Variants in CARMIL1 observed in about 807,000 individuals in gnomAD.
CARMIL1 encodes the protein capping protein regulator and myosin 1 linker 1.
In CARMIL1, 90 loss-of-function variants were observed where a neutral mutation model predicts 177.1. That is an observed-to-expected ratio of 0.51 (90% CI 0.43 to 0.61). The LOEUF (loss-of-function observed/expected upper bound fraction) is 0.61, where lower values mean the gene tolerates loss of function less well. Ranked by LOEUF, CARMIL1 falls within the 20% of genes least tolerant of loss-of-function variation. The pLI is 0.00. For missense variants in CARMIL1, 1,380 were observed against 1,667.0 expected, an observed-to-expected ratio of 0.83 and a Z score of 3.00; for synonymous variants, 577 against 606.2, an observed-to-expected ratio of 0.95 and a Z score of 0.71.
intron 2 of CARMIL1, among the ~76,000 whole-genome samples, chr6:25,393,132 G>A (rs1793043579): frequency 1.3e-5 from 2 of 151,902 alleles, no homozygotes; most frequent in Non-Finnish European, 2.9e-5. Flanking sequence ...CTTACGAATT[G>A]CATGATCCTC....
intron 27 of CARMIL1, among the ~76,000 whole-genome samples, chr6:25,551,594 A>G (rs1195793927): frequency 1.3e-5 from 2 of 152,176 alleles, no homozygotes; most frequent in African/African-American, 4.8e-5. Flanking sequence ...TCTGTTTGAA[A>G]AAGTTTGAAA....
At chr6:25,374,406 A>T (rs1033432092) in intron 2 of CARMIL1, among the ~76,000 whole-genome samples, 2 of 152,072 alleles carry the variant, frequency 1.3e-5, no homozygotes, top group African/African-American at 4.8e-5. Flanking sequence ...TATGATTTTG[A>T]TTTTTTAAAA....
intron 2 of CARMIL1, among the ~76,000 whole-genome samples, chr6:25,388,752 C>A (rs1398592716): frequency 6.6e-6 from 1 of 152,108 alleles, no homozygotes; most frequent in Non-Finnish European, 1.5e-5. Context: ...TCACTGCAGC[C>A]TGCAACTCCT....
Position 25,606,269 on chromosome 6 carries a change from GC to G in CARMIL1, c.3845del (p.Pro1282LeufsTer20), listed in dbSNP as rs1422771844. ...CGCAGAAACCAAGAACCGCCTCACGGCCTGGTAAGAGTTTTGCAGTTAGGGA... is the reference window on the plus strand; with the variant it reads ...CGCAGAAACCAAGAACCGCCTCACGGCTGGTAAGAGTTTTGCAGTTAGGGA... Reference protein sequence around the residue: ...IPQKPRTASRPDDIPDSPSSP... With the variant: ...IPQKPRTASRXDDIPDSPSSP... On this transcript the variant is annotated frameshift_variant, in exon 35 of 37. Coordinates refer to ENST00000329474, the MANE Select transcript of CARMIL1 (RefSeq NM_017640.6). LOFTEE classifies it high-confidence loss of function. 1 of 1,612,920 alleles carries G rather than the reference GC, an allele frequency of 6.2e-7. No individual in the cohort carries two copies. Among genetic ancestry groups the G allele is most frequent in the Admixed American group, 1.7e-5 (1 of 59,956 alleles).
At chr6:25,444,338 CA>C (rs916399502) in intron 5 of CARMIL1, among the ~76,000 whole-genome samples, 9 of 150,774 alleles carry the variant, frequency 6.0e-5, no homozygotes, top group African/African-American at 2.2e-4. Context: ...AAAAGAAAAA[CA>C]ATCTTTTATT....
At chr6:25,310,502 T>C (rs898322501) in intron 2 of CARMIL1, among the ~76,000 whole-genome samples, 2 of 152,182 alleles carry the variant, frequency 1.3e-5, no homozygotes, top group African/African-American at 4.8e-5. Flanking sequence ...GTGGTAAGGG[T>C]AAGTATTGTT....
intron 24 of CARMIL1, among the ~76,000 whole-genome samples, chr6:25,531,539 A>C (rs1360273721): frequency 1.3e-5 from 2 of 152,226 alleles, no homozygotes; most frequent in African/African-American, 4.8e-5. Context: ...TTATTTAAGC[A>C]AGAAAAAGTA....
At chr6:25,507,848 G>A (rs1204088927) in intron 17 of CARMIL1, among the ~76,000 whole-genome samples, 1 of 151,994 alleles carries the variant, frequency 6.6e-6, no homozygotes, top group Non-Finnish European at 1.5e-5. Context: ...GCTTAAATGA[G>A]TTCTTGCTTT....
intron 2 of CARMIL1, among the ~76,000 whole-genome samples, chr6:25,296,670 C>T (rs1054209386): frequency 6.6e-6 from 1 of 150,474 alleles, no homozygotes; most frequent in Non-Finnish European, 1.5e-5. Flanking sequence ...AAGGTGTGGC[C>T]AGGAGAAGTC....
At chr6:25,379,510 T>C (rs2150476990) in intron 2 of CARMIL1, among the ~76,000 whole-genome samples, 1 of 152,312 alleles carries the variant, frequency 6.6e-6, no homozygotes, top group African/African-American at 2.4e-5. Context: ...AACAAGATTC[T>C]TTCAGAGGAT....
At chr6:25,397,222 A>C (rs1017363776) in intron 2 of CARMIL1, among the ~76,000 whole-genome samples, 12 of 152,120 alleles carry the variant, frequency 7.9e-5, no homozygotes, top group East Asian at 3.9e-4. Context: ...CTTTTCCCCC[A>C]AAAAAACCCT....
rs192384666 is a variant in CARMIL1, at chr6:25,619,500, C to T, written c.4033C>T (p.Arg1345Trp). ...CCAGGAGTATCAAGAACAAAAGCAA[C>T]GGTCCTCCAGTAAAGATGGCCATCA... is the stretch of plus-strand genomic sequence containing the variant. Reference protein sequence around the residue: ...QAQEYQEQKQRSSSKDGHQGS... With the variant: ...QAQEYQEQKQWSSSKDGHQGS... The change falls in exon 37 of 37, where the codon CGG becomes TGG. Residue 1345 changes from arginine to tryptophan, a missense_variant. Transcript: ENST00000329474. The T allele has an allele frequency of 3.2e-5, 51 of 1,613,738 alleles. No individual in the cohort carries two copies. Among genetic ancestry groups the T allele is most frequent in the Admixed American group, 6.7e-5 (4 of 59,994 alleles).
intron 29 of CARMIL1, 57 bp downstream of exon 29, chr6:25,556,907 T>TTTG: frequency 6.9e-7 from 1 of 1,453,784 alleles, no homozygotes; most frequent in Admixed American, 2.2e-5. Flanking sequence ...TGCCATTGTT[T>TTTG]TTTTTTTTTT....
intron 2 of CARMIL1, among the ~76,000 whole-genome samples, chr6:25,356,563 C>A (rs1261703401): frequency 6.6e-6 from 1 of 152,216 alleles, no homozygotes. Flanking sequence ...AAAATACTTT[C>A]TCAATTTAGT....
intron 31 of CARMIL1, 138 bp downstream of exon 31, chr6:25,581,577 T>C (rs767788680): frequency 1.4e-6 from 1 of 724,346 alleles, no homozygotes; most frequent in Non-Finnish European, 2.2e-6. Context: ...GCATGAGATA[T>C]ACAAAGTATC....
chr6:25,612,593 C>T (rs929729819), intron 36 of CARMIL1: 1 of 212,554 alleles, frequency 4.7e-6, no homozygotes, highest in African/African-American at 2.4e-5. Context: ...TGCATATCTG[C>T]CCAGGACCAA....
intron 34 of CARMIL1, 22 bp from the exon 35 acceptor site, chr6:25,606,039 A>G (rs750820153): frequency 6.3e-7 from 1 of 1,576,320 alleles, no homozygotes; most frequent in East Asian, 2.2e-5. Flanking sequence ...TTTGATTTTT[A>G]AAGTGGCCTT....
rs150782057 is a variant in CARMIL1, at chr6:25,427,120, A to G, written c.249+560A>G. The stretch of plus-strand genomic sequence containing the variant: ...AATTTTATATGAATGATGTCATACA[A>G]TGTATACTTCTTCCTGTCTGCCTTC... On this transcript the variant is annotated intron_variant, in intron 4 of 36. Coordinates refer to ENST00000329474, the MANE Select transcript of CARMIL1 (RefSeq NM_017640.6). 1.0e-3 allele frequency among the ~76,000 whole-genome samples: 158 copies of G among 152,314 alleles called. 6 individuals are homozygous for G. The East Asian group carries it at 0.028, about 27-fold the overall frequency.
chr6:25,455,727 T>C (rs1799450826), intron 8 of CARMIL1, among the ~76,000 whole-genome samples: 1 of 152,224 alleles, frequency 6.6e-6, no homozygotes, highest in Non-Finnish European at 1.5e-5. Flanking sequence ...ATTATTTTTT[T>C]CTGCCTAGAA....
Sources: gnomAD v4.1 joint callset for allele counts (sites outside exome capture counted in the v4.1 genomes callset) on GRCh38, gnomAD v4.1.1 for gene constraint, MANE v1.5 for transcripts, NCBI Gene and HGNC (gene_info 2026-07-23, HGNC 2026-07-21) for gene names.